Variants in LARGE1 observed in about 807,000 individuals in gnomAD.
LARGE1 encodes xylosyl- and glucuronyltransferase LARGE1.
A neutral mutation model predicts 87.6 loss-of-function variants in LARGE1; 43 were observed. That is an observed-to-expected ratio of 0.49 (90% CI 0.38 to 0.63). The LOEUF is 0.63. LARGE1 is among the 30% of genes least tolerant of loss of function. The probability of loss-of-function intolerance (pLI) is 0.00; values close to 1 mark genes in which losing one functional copy is unlikely to be tolerated. For missense variants in LARGE1, 802 were observed against 1,000.2 expected, an observed-to-expected ratio of 0.80 and a Z score of 2.67; for synonymous variants, 434 against 394.6, an observed-to-expected ratio of 1.10 and a Z score of -1.18.
chr22:33,402,891 T>G (rs2065970825), intron 7 of LARGE1, among the ~76,000 whole-genome samples: 1 of 152,146 alleles, frequency 6.6e-6, no homozygotes, highest in South Asian at 2.1e-4. Context: ...GCCTATTAAC[T>G]CTATTCCTTA....
intron 6 of LARGE1, among the ~76,000 whole-genome samples, chr22:33,480,581 T>G (rs1298277504): frequency 6.6e-6 from 1 of 152,158 alleles, no homozygotes; most frequent in Non-Finnish European, 1.5e-5. Flanking sequence ...AAGGGCTGCA[T>G]GTAAATGAAA....
intron 4 of LARGE1, among the ~76,000 whole-genome samples, chr22:33,614,046 T>C (rs2079514708): frequency 2.0e-5 from 3 of 152,014 alleles, no homozygotes; most frequent in Non-Finnish European, 2.9e-5. Flanking sequence ...CTTAGCTTAA[T>C]GGTTAGGAGC....
chr22:33,226,727 TTTATTA>T (rs1021383673), intron 11 of LARGE1, among the ~76,000 whole-genome samples: 8 of 109,518 alleles, frequency 7.3e-5, no homozygotes, highest in Non-Finnish European at 1.1e-4. Context: ...ATTATTATTA[TTTATTA>T]TTATTTTTTT....
intron 1 of LARGE1, among the ~76,000 whole-genome samples, chr22:33,848,004 G>A (rs1160357751): frequency 6.6e-6 from 1 of 152,174 alleles, no homozygotes; most frequent in African/African-American, 2.4e-5. Context: ...CAGAGTCTGA[G>A]GGACCCCAAA....
chr22:33,267,899 C>A (rs1928036057), downstream of LARGE1, among the ~76,000 whole-genome samples: 1 of 151,192 alleles, frequency 6.6e-6, no homozygotes, highest in South Asian at 2.1e-4. Flanking sequence ...GGTGAAGATT[C>A]AAAGCTGGAA....
chr22:33,226,865 G>A (rs190626893), intron 11 of LARGE1, among the ~76,000 whole-genome samples: 1 of 151,982 alleles, frequency 6.6e-6, no homozygotes, highest in Non-Finnish European at 1.5e-5. Flanking sequence ...GAGTAGCTGG[G>A]ACTACAGGCG....
intron 2 of LARGE1, among the ~76,000 whole-genome samples, chr22:33,714,905 A>G (rs2082865568): frequency 6.6e-6 from 1 of 152,186 alleles, no homozygotes; most frequent in Non-Finnish European, 1.5e-5. Context: ...TGTCCTCTGA[A>G]ATTCAAAGGC....
In LARGE1 at chr22:33,849,635, G is replaced by A. The variant is rs1163925821; in HGVS notation, c.-83+70360C>T. On this transcript the variant is annotated intron_variant, in intron 1 of 14. Transcript: ENST00000397394. ...TTTTTTTGAGACAGAGTCTCAGTCTGTTGTCCAGGCTGGAGTGCAGTGGTG... is the reference window on the plus strand; with the variant it reads ...TTTTTTTGAGACAGAGTCTCAGTCTATTGTCCAGGCTGGAGTGCAGTGGTG... Among the ~76,000 whole-genome samples the A allele has an allele frequency of 2.7e-5, 3 of 109,602 alleles. No homozygotes were observed. The Admixed American group carries it at 4.2e-4, about 15-fold the overall frequency. 71.9% of individuals were successfully genotyped at this position (109,602 alleles called of 152,430 possible).
In LARGE1 at chr22:33,680,268, G is replaced by A. The variant is rs147292269; in HGVS notation, c.107-29600C>T. Among the ~76,000 whole-genome samples, 459 of 152,304 alleles carry A rather than the reference G, an allele frequency of 3.0e-3. 5 individuals are homozygous for A. Among genetic ancestry groups the A allele is most frequent in the African/African-American group, 0.011 (442 of 41,560 alleles). On this transcript the variant is annotated intron_variant, in intron 2 of 14. Coordinates refer to ENST00000397394, the MANE Select transcript of LARGE1 (RefSeq NM_133642.5). The stretch of plus-strand genomic sequence containing the variant: ...AGAAACAATGCAGAGGTACAGGTGT[G>A]TGTATGACAAAATCAGTCCATGATC...
chr22:33,689,828 G>A (rs947115498), intron 2 of LARGE1, among the ~76,000 whole-genome samples: 2 of 152,098 alleles, frequency 1.3e-5, no homozygotes, highest in African/African-American at 4.8e-5. Flanking sequence ...TCGGGAGGCT[G>A]AGGCAGAAGA....
At chr22:33,399,154 AG>A (rs1237700601) in intron 7 of LARGE1, among the ~76,000 whole-genome samples, 29 of 151,676 alleles carry the variant, frequency 1.9e-4, no homozygotes, top group Non-Finnish European at 2.6e-4. Context: ...CCCGACCAAG[AG>A]GCCCCCATGT....
chr22:33,708,734 G>A (rs1037770836), intron 2 of LARGE1, among the ~76,000 whole-genome samples: 1 of 152,168 alleles, frequency 6.6e-6, no homozygotes, highest in Non-Finnish European at 1.5e-5. Context: ...CTGAGTAGGT[G>A]GGATTGCAGG....
intron 1 of LARGE1, among the ~76,000 whole-genome samples, chr22:33,774,380 G>A (rs548925884): frequency 5.9e-5 from 9 of 151,706 alleles, no homozygotes; most frequent in African/African-American, 2.2e-4. Flanking sequence ...TTTTTGAGAC[G>A]GAGTCTTGCT....
intron 2 of LARGE1, among the ~76,000 whole-genome samples, chr22:33,707,081 A>G (rs888376492): frequency 3.3e-5 from 5 of 152,232 alleles, no homozygotes; most frequent in African/African-American, 1.2e-4. Context: ...TCCAGTAAGA[A>G]TTCTGTCATC....
At chr22:33,389,571 G>A (rs932994252) in intron 7 of LARGE1, among the ~76,000 whole-genome samples, 14 of 152,202 alleles carry the variant, frequency 9.2e-5, no homozygotes, top group South Asian at 2.1e-4. Flanking sequence ...CTAGCTGGGT[G>A]CGGTGGCTCA....
chr22:33,421,851 A>G (rs2066707521), intron 7 of LARGE1, among the ~76,000 whole-genome samples: 1 of 152,196 alleles, frequency 6.6e-6, no homozygotes, highest in East Asian at 1.9e-4. Context: ...AGCAGGTGGA[A>G]GAGGGAGTAG....
chr22:33,183,601 AACACACACACACACACACGCACACAC>A, intron 11 of LARGE1, among the ~76,000 whole-genome samples: 1 of 104,280 alleles, frequency 9.6e-6, no homozygotes, highest in South Asian at 2.9e-4. Context: ...TGATGGATAA[AACACACACACACACACACGCACACAC>A]ACACACACAC....
At chr22:33,516,863 C>T (rs1326552842) in intron 6 of LARGE1, among the ~76,000 whole-genome samples, 7 of 152,154 alleles carry the variant, frequency 4.6e-5, no homozygotes, top group African/African-American at 1.2e-4. Flanking sequence ...TGATTACAGG[C>T]GTGAGCCACC....
rs1180851639 is a variant in LARGE1, at chr22:33,286,113, G to A, written c.1731-2765C>T. Among the ~76,000 whole-genome samples, 4 of 152,162 alleles carry A rather than the reference G, an allele frequency of 2.6e-5. No individual in the cohort carries two copies. The East Asian group carries it at 5.8e-4, about 22-fold the overall frequency. On this transcript the variant is annotated intron_variant, in intron 12 of 14. Coordinates refer to ENST00000397394, the MANE Select transcript of LARGE1 (RefSeq NM_133642.5). Reference sequence around the variant, plus strand: ...CGACAGCAAGATACAGAGTGTGGACGAGCTCTACTTAGCCAGTCTGAGGAC... The same window carrying A: ...CGACAGCAAGATACAGAGTGTGGACAAGCTCTACTTAGCCAGTCTGAGGAC...
Sources: gnomAD v4.1 joint callset for allele counts (sites outside exome capture counted in the v4.1 genomes callset) on GRCh38, gnomAD v4.1.1 for gene constraint, MANE v1.5 for transcripts, NCBI Gene and HGNC (gene_info 2026-07-23, HGNC 2026-07-21) for gene names.